PTPN13: variants seen among roughly 807,000 people sequenced by gnomAD.
PTPN13 encodes the protein protein tyrosine phosphatase non-receptor type 13, also known as tyrosine-protein phosphatase non-receptor type 13.
A neutral mutation model predicts 284.0 loss-of-function variants in PTPN13; 191 were observed. The ratio of observed to expected loss-of-function variants is 0.67; its 90% CI spans 0.60 to 0.76. The LOEUF is 0.76. PTPN13 is among the 30% of genes least tolerant of loss of function. The pLI is 0.00. For synonymous variants in PTPN13, 986 were observed against 1,022.3 expected (o/e 0.96, Z 0.68); for missense variants, 2,797 against 2,939.9 (o/e 0.95, Z 1.12).
chr4:86,696,118 G>A (rs1210898483), intron 6 of PTPN13, among the ~76,000 whole-genome samples: 5 of 151,840 alleles, frequency 3.3e-5, no homozygotes, highest in Non-Finnish European at 7.4e-5. Context: ...ATTATACTGA[G>A]TCTATACCTA....
chr4:86,786,834 G>A (rs776661868), intron 40 of PTPN13, among the ~76,000 whole-genome samples: 6 of 152,144 alleles, frequency 3.9e-5, no homozygotes, highest in Non-Finnish European at 7.3e-5. Flanking sequence ...CGGGCGCGTT[G>A]GCTCATGGCG....
chr4:86,595,848 G>C (rs1763702043), intron 1 of PTPN13: 8 of 723,764 alleles, frequency 1.1e-5, no homozygotes, highest in Non-Finnish European at 1.2e-5. Flanking sequence ...TAAAGGATGG[G>C]GGGGGGAGTA....
intron 3 of PTPN13, among the ~76,000 whole-genome samples, chr4:86,673,602 T>C (rs895072597): frequency 7.9e-5 from 12 of 152,364 alleles, no homozygotes; most frequent in African/African-American, 2.2e-4. Flanking sequence ...TATCATATTT[T>C]TAGGAGCATG....
At chr4:86,754,376 A>G (rs1737741772) in intron 20 of PTPN13, among the ~76,000 whole-genome samples, 1 of 152,088 alleles carries the variant, frequency 6.6e-6, no homozygotes, top group Non-Finnish European at 1.5e-5. Context: ...TCCATATGGT[A>G]GTAATTATTG....
intron 35 of PTPN13, among the ~76,000 whole-genome samples, chr4:86,776,239 C>A (rs1740628059): frequency 6.6e-6 from 1 of 152,218 alleles, no homozygotes; most frequent in African/African-American, 2.4e-5. Flanking sequence ...AGCCACCCTA[C>A]CTGGCCCGAA....
chr4:86,732,352 A>T, intron 10 of PTPN13, 48 bp from the exon 11 acceptor site: 1 of 1,392,120 alleles, frequency 7.2e-7, no homozygotes, highest in Non-Finnish European at 9.8e-7. Flanking sequence ...CAAGGAAAAA[A>T]CTAGAATAAA....
At chr4:86,660,629 T>C (rs1214966420) in intron 2 of PTPN13, among the ~76,000 whole-genome samples, 1 of 152,188 alleles carries the variant, frequency 6.6e-6, no homozygotes, top group Non-Finnish European at 1.5e-5. Context: ...AGAATTAACA[T>C]GTCCTTAAGT....
chr4:86,701,158 C>T, intron 6 of PTPN13, 83 bp from the exon 7 acceptor site: 1 of 1,086,352 alleles, frequency 9.2e-7, no homozygotes, highest in Non-Finnish European at 1.3e-6. Context: ...AAATTGCCAC[C>T]ACTTTCATTG....
chr4:86,691,294 C>T (rs1385051534), intron 5 of PTPN13, among the ~76,000 whole-genome samples: 5 of 151,544 alleles, frequency 3.3e-5, no homozygotes, highest in Non-Finnish European at 4.4e-5. Context: ...TAGATAATCT[C>T]GGCAGAGGGA....
chr4:86,607,103 T>A (rs1764831033), intron 1 of PTPN13, among the ~76,000 whole-genome samples: 1 of 151,918 alleles, frequency 6.6e-6, no homozygotes, highest in Admixed American at 6.6e-5. Context: ...TTGTATGTGC[T>A]ATAAACAGCA....
chr4:86,650,796 T>G (rs1724994342), intron 2 of PTPN13, among the ~76,000 whole-genome samples: 1 of 152,232 alleles, frequency 6.6e-6, no homozygotes, highest in Non-Finnish European at 1.5e-5. Context: ...CTGAATTTGT[T>G]TATCGGTTCC....
chr4:86,634,847 C>G (rs544026381), intron 1 of PTPN13, among the ~76,000 whole-genome samples: 1 of 152,318 alleles, frequency 6.6e-6, no homozygotes, highest in Non-Finnish European at 1.5e-5. Context: ...GTTCTCCTCT[C>G]TATTTCTCTC....
chr4:86,634,403 G>T (rs571946795), intron 1 of PTPN13, among the ~76,000 whole-genome samples: 1 of 152,162 alleles, frequency 6.6e-6, no homozygotes, highest in South Asian at 2.1e-4. Flanking sequence ...CATGAAAATA[G>T]GCTTATTAAG....
chr4:86,758,662 A>G lies in PTPN13; in HGVS notation c.3314-16A>G. On this transcript the variant is annotated splice_polypyrimidine_tract_variant and intron_variant, in intron 21 of 47. Transcript: ENST00000411767. The stretch of plus-strand genomic sequence containing the variant: ...GCAGCAATATGAAAATCTTTTTAAA[A>G]TGTGTTATTTTACAGGATTTCAAAT... 6.3e-7 allele frequency: 1 copy of G among 1,592,218 alleles called. No individual in the cohort carries two copies. Among genetic ancestry groups the G allele is most frequent in the South Asian group, 1.1e-5 (1 of 90,408 alleles).
Position 86,734,434 on chromosome 4 carries a change from A to G in PTPN13, c.1990A>G (p.Met664Val), listed in dbSNP as rs752668802. 2 of 1,558,244 alleles carry G rather than the reference A, an allele frequency of 1.3e-6. No homozygotes were observed. The highest frequency in any genetic ancestry group is 4.7e-5 in the East Asian group (2 of 42,490). The change falls in exon 13 of 48, where the codon ATG (methionine) becomes GTG (valine). Residue 664 changes from methionine (M) to valine (V), a missense_variant. By Grantham distance (21) the Met-to-Val change is conservative. Transcript: ENST00000411767. ...TTTGTTTTTCAGAATTAAATTTTTT[A>G]TGGATGATGTTAGTCTAATACAGTG... Reference protein sequence around the residue: ...FTLFFRIKFFMDDVSLIQHTL... With the variant: ...FTLFFRIKFFVDDVSLIQHTL...
intron 40 of PTPN13, among the ~76,000 whole-genome samples, chr4:86,788,033 G>A (rs1350339115): frequency 6.6e-6 from 1 of 152,070 alleles, no homozygotes; most frequent in Non-Finnish European, 1.5e-5. Flanking sequence ...TGAATAAATG[G>A]GACTTTTGCT....
intron 33 of PTPN13, 76 bp from the exon 34 acceptor site, chr4:86,775,095 A>C: frequency 9.7e-7 from 1 of 1,031,974 alleles, no homozygotes; most frequent in Non-Finnish European, 1.4e-6. Context: ...TAGGAGGATT[A>C]TTGTATTTTC....
Position 86,750,811 on chromosome 4 carries a change from G to A in PTPN13, c.2992G>A (p.Glu998Lys). 6.2e-7 allele frequency: 1 copy of A among 1,613,758 alleles called. No individual in the cohort carries two copies. The stretch of plus-strand genomic sequence containing the variant: ...GGAACCCCCACCACAAACCGTTGCA[G>A]AGTTGGTGGGAAAACCTTCTCACCA... ...NMEPPPQTVA[E>K]LVGKPSHQMS... Residue 998 changes from glutamate (E) to lysine (K), a missense_variant, in exon 18 of 48, where the codon GAG becomes AAG. Coordinates refer to ENST00000411767, the MANE Select transcript of PTPN13 (RefSeq NM_080683.3).
chr4:86,646,950 G>A (rs955931291), intron 2 of PTPN13, among the ~76,000 whole-genome samples: 4 of 152,130 alleles, frequency 2.6e-5, no homozygotes, highest in Admixed American at 2.0e-4. Flanking sequence ...GTTGAGTGAA[G>A]GAAGTCAGAC....
Sources: allele counts gnomAD v4.1 joint callset (sites outside exome capture counted in the v4.1 genomes callset), GRCh38; gene constraint gnomAD v4.1.1; transcripts MANE v1.5; gene names NCBI Gene and HGNC (gene_info 2026-07-23, HGNC 2026-07-21).